Variants in SETX observed in about 807,000 individuals in gnomAD.
SETX encodes the protein helicase senataxin.
A neutral mutation model predicts 227.2 loss-of-function variants in SETX; 90 were observed. That is an observed-to-expected ratio of 0.40 (90% CI 0.33 to 0.47). SETX has a LOEUF of 0.47. Ranked by LOEUF, SETX falls within the 20% of genes least tolerant of loss-of-function variation. The probability of loss-of-function intolerance (pLI) is 0.91; values close to 1 mark genes in which losing one functional copy is unlikely to be tolerated. For synonymous variants in SETX, 1,210 were observed against 1,113.2 expected (o/e 1.09, Z -1.73); for missense variants, 3,052 against 3,181.5 (o/e 0.96, Z 0.98).
chr9:132,311,919 C>G, intron 10 of SETX, 63 bp from the exon 11 acceptor site: 1 of 1,264,224 alleles, frequency 7.9e-7, no homozygotes, highest in Non-Finnish European at 1.1e-6. Flanking sequence ...TAAATAGTAA[C>G]ATTTTCCAAA....
chr9:132,302,356 CAAA>C (rs35649212), intron 11 of SETX, among the ~76,000 whole-genome samples: 2 of 27,796 alleles, frequency 7.2e-5, no homozygotes, highest in Non-Finnish European at 1.4e-4. Context: ...GAATCCATCT[CAAA>C]AAAAAAAAAA....
chr9:132,292,872 G>A (rs1844423716), intron 15 of SETX, among the ~76,000 whole-genome samples: 1 of 151,902 alleles, frequency 6.6e-6, no homozygotes, highest in Non-Finnish European at 1.5e-5. Context: ...CTCCTGACCT[G>A]GTGATCTGCC....
chr9:132,291,489 G>A (rs916692900), intron 15 of SETX, among the ~76,000 whole-genome samples: 3 of 151,928 alleles, frequency 2.0e-5, no homozygotes, highest in African/African-American at 2.4e-5. Context: ...ATTCACTTAC[G>A]TTTCCACTAG....
At position 132,276,965 on chromosome 9, in the gene SETX, A is replaced by T. The variant is rs972210988; in HGVS notation, c.6935+95T>A. 4.8e-6 allele frequency: 5 copies of T among 1,045,812 alleles called. No homozygotes were observed. In the African/African-American group the frequency reaches 6.3e-5, roughly 13 times the overall value. The allele number at this position is 1,045,812 out of a possible 1,614,324, so 64.8% of individuals were successfully genotyped here. On this transcript the variant is annotated intron_variant, in intron 22 of 25. Coordinates refer to ENST00000224140, the MANE Select transcript of SETX (RefSeq NM_015046.7). ...GACTGTGCCCTGACACTAGGCAGAGAGATGTGTATAGGAAATGTATTTAAC... is the reference window on the plus strand; with the variant it reads ...GACTGTGCCCTGACACTAGGCAGAGTGATGTGTATAGGAAATGTATTTAAC...
intron 15 of SETX, among the ~76,000 whole-genome samples, chr9:132,289,046 G>A (rs758726768): frequency 5.3e-5 from 8 of 152,148 alleles, no homozygotes; most frequent in Non-Finnish European, 1.0e-4. Flanking sequence ...AAGGGCTTGT[G>A]GGGTGCCTGC....
chr9:132,313,977 G>C (rs759643324), intron 10 of SETX, among the ~76,000 whole-genome samples: 1 of 151,768 alleles, frequency 6.6e-6, no homozygotes, highest in Non-Finnish European at 1.5e-5. Flanking sequence ...TATTGCTCTG[G>C]CTGGAGTGCA....
In SETX at chr9:132,296,005, G is replaced by A. The variant is rs1210056357; in HGVS notation, c.5973C>T (p.Asp1991=). The A allele has an allele frequency of 5.6e-6, 9 of 1,613,998 alleles. No individual in the cohort carries two copies. Among genetic ancestry groups the A allele is most frequent in the East Asian group, 4.5e-5 (2 of 44,894 alleles). The change falls in exon 15 of 26, where the codon GAC becomes GAT. Residue 1991 remains aspartate, a synonymous_variant. Transcript: ENST00000224140. ...LTENQRKGHS[D]ENSNAKIKQN... Reference sequence around the variant, plus strand: ...GTTTGATTTTGGCATTGGAGTTTTCGTCTGAATGCCCCTTCCTCTGGTTCT... The same window carrying A: ...GTTTGATTTTGGCATTGGAGTTTTCATCTGAATGCCCCTTCCTCTGGTTCT...
At chr9:132,355,457 A>G (rs1383071710), upstream of SETX, among the ~76,000 whole-genome samples, 1 of 152,242 alleles carries the variant, frequency 6.6e-6, no homozygotes, top group East Asian at 1.9e-4. Context: ...ATAAACGTGT[A>G]ATTTCGGAGG....
Position 132,331,408 on chromosome 9 carries a change from A to G in SETX, c.879T>C (p.Phe293=). 10 of 1,614,028 alleles carry G rather than the reference A, an allele frequency of 6.2e-6. No homozygotes were observed. The highest frequency in any genetic ancestry group is 8.5e-6 in the Non-Finnish European group (10 of 1,179,950). Residue 293 remains phenylalanine (F), a synonymous_variant, in exon 8 of 26, where the codon TTT becomes TTC. Transcript: ENST00000224140. ...VDPFWPALHC[F]MVILDRLGSK... is the part of the protein sequence containing the mutation. The stretch of plus-strand genomic sequence containing the variant: ...ATCCAAGGCGATCCAGAATCACCAT[A>G]AAACAGTGTAACGCTGGCCAGAAAG...
intron 4 of SETX, among the ~76,000 whole-genome samples, chr9:132,344,809 A>G (rs1402738234): frequency 6.6e-6 from 1 of 150,520 alleles, no homozygotes; most frequent in African/African-American, 2.4e-5. Flanking sequence ...CAGGAGGCAG[A>G]GGGTGCAGTG....
intron 24 of SETX, among the ~76,000 whole-genome samples, chr9:132,270,159 T>C (rs1461722792): frequency 1.9e-5 from 2 of 104,788 alleles, no homozygotes; most frequent in African/African-American, 4.0e-5. Context: ...CTCAGCATCC[T>C]CATGTGAGAC....
In SETX at chr9:132,269,428, G is replaced by A. The variant is rs1384843984; in HGVS notation, c.7287+187C>T. 4 of 1,564,576 alleles carry A rather than the reference G, an allele frequency of 2.6e-6. No homozygotes were observed. The African/African-American group carries it at 4.1e-5, about 16-fold the overall frequency. ...CTTGAGAGCCCAGTGTAGATACTTG[G>A]GTTCTGGGCTGAAAAAAGGCGAATG... On this transcript the variant is annotated intron_variant, in intron 25 of 25. Coordinates refer to ENST00000224140, the MANE Select transcript of SETX (RefSeq NM_015046.7).
intron 18 of SETX, among the ~76,000 whole-genome samples, chr9:132,285,301 AAAGAT>A (rs1473599823): frequency 5.3e-5 from 8 of 152,242 alleles, no homozygotes; most frequent in African/African-American, 1.9e-4. Context: ...TTAAAACAAA[AAAGAT>A]AACTTATAAC....
At chr9:132,332,102 G>A (rs564616079) in intron 7 of SETX, among the ~76,000 whole-genome samples, 6 of 152,190 alleles carry the variant, frequency 3.9e-5, no homozygotes, top group East Asian at 3.9e-4. Flanking sequence ...GCAAGATACC[G>A]CCCTACTCAA....
At chr9:132,332,194 TATTTCC>T (rs924894461) in intron 7 of SETX, among the ~76,000 whole-genome samples, 166 of 152,354 alleles carry the variant, frequency 1.1e-3, no homozygotes, top group African/African-American at 3.9e-3. Context: ...ATCTACTGTT[TATTTCC>T]ATTTTTATTT....
rs1844642354 is a variant in SETX, at chr9:132,295,929, T to C, written c.6049A>G (p.Met2017Val). 6.2e-7 allele frequency: 1 copy of C among 1,613,780 alleles called. No homozygotes were observed. Among genetic ancestry groups the C allele is most frequent in the Non-Finnish European group, 8.5e-7 (1 of 1,179,648 alleles). The part of the protein sequence containing the change: ...APSNAAVDEL[M>V]KKIILEFKEK... ...TTGAATTCAAGGATAATTTTTTTCA[T>C]GAGTTCATCAACAGCTGCATTGGAA... Residue 2017 changes from methionine to valine, a missense_variant, in exon 15 of 26, where the codon ATG becomes GTG. Transcript: ENST00000224140.
chr9:132,335,122 G>T (rs1473696980), intron 6 of SETX, among the ~76,000 whole-genome samples: 1 of 152,004 alleles, frequency 6.6e-6, no homozygotes, highest in Non-Finnish European at 1.5e-5. Context: ...CGGGCGTGGT[G>T]GCTCACACCT....
chr9:132,304,974 A>G (rs767535183), intron 11 of SETX, among the ~76,000 whole-genome samples: 16 of 150,974 alleles, frequency 1.1e-4, no homozygotes, highest in Non-Finnish European at 1.9e-4. Context: ...CAGCCTGGGT[A>G]ACAGAGTGAG....
chr9:132,328,075 T>C lies in SETX; in HGVS notation c.3523A>G (p.Arg1175Gly), dbSNP rs1305963396. The change falls in exon 10 of 26, where the codon AGG becomes GGG. Residue 1175 changes from arginine to glycine, a missense_variant. Arg to Gly is a moderately radical substitution (Grantham distance 125). Coordinates refer to ENST00000224140, the MANE Select transcript of SETX (RefSeq NM_015046.7). Reference sequence around the variant, plus strand: ...TCATTTCTGACAGAAGATGAAGGCCTCACAGGATCTTCAGCCATTGGTTTT... The same window carrying C: ...TCATTTCTGACAGAAGATGAAGGCCCCACAGGATCTTCAGCCATTGGTTTT... ...SEKPMAEDPVRPSSSVRNEGQ... is the reference protein window; with the variant it reads ...SEKPMAEDPVGPSSSVRNEGQ... 1.2e-6 allele frequency: 2 copies of C among 1,614,050 alleles called. No homozygotes were observed. The highest frequency in any genetic ancestry group is 2.7e-5 in the African/African-American group (2 of 74,918).
Sources: allele counts gnomAD v4.1 joint callset (sites outside exome capture counted in the v4.1 genomes callset), GRCh38; gene constraint gnomAD v4.1.1; transcripts MANE v1.5; gene names NCBI Gene and HGNC (gene_info 2026-07-23, HGNC 2026-07-21).